OSBPL3: variants seen among roughly 807,000 people sequenced by gnomAD.
OSBPL3 encodes oxysterol-binding protein-related protein 3.
In OSBPL3, 65 loss-of-function variants were observed where a neutral mutation model predicts 120.1. That is an observed-to-expected ratio of 0.54 (90% CI 0.44 to 0.67). The LOEUF (loss-of-function observed/expected upper bound fraction) is 0.67. Ranked by LOEUF, OSBPL3 falls within the 30% of genes least tolerant of loss-of-function variation. The pLI, the probability that OSBPL3 is intolerant of heterozygous loss-of-function variation, is 0.00. For synonymous variants in OSBPL3, 416 were observed against 402.6 expected (o/e 1.03, Z -0.40); for missense variants, 1,004 against 1,082.1 (o/e 0.93, Z 1.01).
intron 12 of OSBPL3, 122 bp downstream of exon 12, chr7:24,848,947 A>G: frequency 4.5e-6 from 3 of 671,064 alleles, no homozygotes; most frequent in South Asian, 3.5e-5. Context: ...CACCCAGAGG[A>G]GGAGGGCAGA....
Position 24,852,725 on chromosome 7 carries a change from GC to G in OSBPL3, c.1028-92del. On this transcript the variant is annotated intron_variant, in intron 10 of 22. Transcript: ENST00000313367. This position sits in a 1 kb window ranked among gnomAD's most constrained non-coding sequence, Gnocchi z 4.1. ...AACATATCTCTTATAAAAGAAACAA[GC>G]AAAGTAACAGCCCTGAATATTTTGA... 1 of 828,808 alleles carries G rather than the reference GC, an allele frequency of 1.2e-6. No homozygotes were observed. Among genetic ancestry groups the G allele is most frequent in the Non-Finnish European group, 1.8e-6 (1 of 563,478 alleles). The allele number at this position is 828,808 out of a possible 1,614,324, so 51.3% of individuals were successfully genotyped here. A position where few individuals can be genotyped will look rare whatever the true frequency, so the allele number is the denominator to read the frequency against.
At position 24,852,147 on chromosome 7, in the gene OSBPL3, C is replaced by T. The variant is rs934531888; in HGVS notation, c.1158+357G>A. Among the ~76,000 whole-genome samples the T allele has an allele frequency of 6.6e-6, 1 of 152,080 alleles. No homozygotes were observed. The highest frequency in any genetic ancestry group is 1.5e-5 in the Non-Finnish European group (1 of 68,016). On this transcript the variant is annotated intron_variant, in intron 11 of 22. Transcript: ENST00000313367. The surrounding 1 kb of genome is among the most constrained non-coding windows in gnomAD (Gnocchi z 4.1). ...AGGCTAAGCTTGTGGTGTCTCATGC[C>T]CATAAAATTTCCTCCAAACTGTCAG...
chr7:24,981,378 C>T (rs1818331939), upstream of OSBPL3: 1 of 152,298 alleles, frequency 6.6e-6, no homozygotes, highest in Non-Finnish European at 1.5e-5. The surrounding 1 kb of genome is among the most constrained non-coding windows in gnomAD (Gnocchi z 7.3). Flanking sequence ...TTTAGCCTCC[C>T]TGAAGACCCA....
rs1816482406 is a variant in OSBPL3, at chr7:24,967,117, A to T, written c.-150+12769T>A. ...CTACATTATCTCAAATTTTTATGGT[A>T]ATTTTTCCTGTTTCCTATCATCCCT... On this transcript the variant is annotated intron_variant, in intron 1 of 22. Coordinates refer to ENST00000313367, the MANE Select transcript of OSBPL3 (RefSeq NM_015550.4). The surrounding 1 kb of genome is among the most constrained non-coding windows in gnomAD (Gnocchi z 5.6). 6.6e-6 allele frequency among the ~76,000 whole-genome samples: 1 copy of T among 152,172 alleles called. No homozygotes were observed. The highest frequency in any genetic ancestry group is 1.5e-5 in the Non-Finnish European group (1 of 68,010).
Position 24,872,448 on chromosome 7 carries a change from A to AGAGAGAGTGT in OSBPL3, c.97-380_97-379insACACTCTCTC, listed in dbSNP as rs912921078. ...TCAGTCTGAATTTTAACCGAAAGAG[A>AGAGAGAGTGT]GTGTGTGTGTGTGTGTGTGTGTGTG... On this transcript the variant is annotated intron_variant, in intron 2 of 22. Coordinates refer to ENST00000313367, the MANE Select transcript of OSBPL3 (RefSeq NM_015550.4). The surrounding 1 kb of genome is among the most constrained non-coding windows in gnomAD (Gnocchi z 4.1). Among the ~76,000 whole-genome samples the AGAGAGAGTGT allele has an allele frequency of 6.9e-6, 1 of 144,890 alleles. No homozygotes were observed. The highest frequency in any genetic ancestry group is 6.8e-5 in the Admixed American group (1 of 14,604).
At position 24,802,487 on chromosome 7, in the gene OSBPL3, C is replaced by T. The variant is rs954525978; in HGVS notation, c.2567+1828G>A. On this transcript the variant is annotated intron_variant, in intron 22 of 22. Transcript: ENST00000313367. The surrounding 1 kb of genome is among the most constrained non-coding windows in gnomAD (Gnocchi z 4.1). ...GGCCGCCCCAGCTGAAGCAGCTTTC[C>T]GTCCTTTTTCATTCCAGACACAATT... is the stretch of plus-strand genomic sequence containing the variant. Among the ~76,000 whole-genome samples the T allele has an allele frequency of 3.9e-5, 6 of 152,204 alleles. No individual in the cohort carries two copies. Among genetic ancestry groups the T allele is most frequent in the African/African-American group, 1.2e-4 (5 of 41,436 alleles).
chr7:24,818,656 C>T lies in OSBPL3; in HGVS notation c.1948+1519G>A, dbSNP rs980725704. On this transcript the variant is annotated intron_variant, in intron 17 of 22. Coordinates refer to ENST00000313367, the MANE Select transcript of OSBPL3 (RefSeq NM_015550.4). This position sits in a 1 kb window ranked among gnomAD's most constrained non-coding sequence, Gnocchi z 4.0. ...ATCCAAAAGGCAGAGAAAGAGGAAACGGAGAACAAAGAACAGATGTGACAA... is the reference window on the plus strand; with the variant it reads ...ATCCAAAAGGCAGAGAAAGAGGAAATGGAGAACAAAGAACAGATGTGACAA... 4.0e-5 allele frequency among the ~76,000 whole-genome samples: 6 copies of T among 151,896 alleles called. No homozygotes were observed. Among genetic ancestry groups the T allele is most frequent in the African/African-American group, 7.3e-5 (3 of 41,360 alleles).
chr7:24,935,163 G>A (rs1000571530), intron 1 of OSBPL3, among the ~76,000 whole-genome samples: 1 of 152,052 alleles, frequency 6.6e-6, no homozygotes, highest in Non-Finnish European at 1.5e-5. Context: ...GCATGAGGGA[G>A]GCTTTTTAAT....
At chr7:24,907,466 T>C (rs1808105957) in intron 1 of OSBPL3, among the ~76,000 whole-genome samples, 1 of 152,244 alleles carries the variant, frequency 6.6e-6, no homozygotes, top group African/African-American at 2.4e-5. Flanking sequence ...AAATAATGCA[T>C]GTAAAACACT....
At chr7:24,848,029 G>A (rs1357330111) in intron 12 of OSBPL3, among the ~76,000 whole-genome samples, 2 of 152,100 alleles carry the variant, frequency 1.3e-5, no homozygotes, top group Non-Finnish European at 2.9e-5. Context: ...CCAGACAGAG[G>A]GTGAGGCTCA....
At chr7:24,934,495 A>T (rs892009949) in intron 1 of OSBPL3, among the ~76,000 whole-genome samples, 1 of 152,192 alleles carries the variant, frequency 6.6e-6, no homozygotes, top group Non-Finnish European at 1.5e-5. Context: ...TATCAAAAAC[A>T]TATCTATCTT....
Position 24,815,780 on chromosome 7 carries a change from A to T in OSBPL3, c.2028-577T>A, listed in dbSNP as rs7455570. ...AATCTTCACAATAGCCCTAGGAAGTAGGTGGTTTATTATTCTCTTTTTCTA... is the reference window on the plus strand; with the variant it reads ...AATCTTCACAATAGCCCTAGGAAGTTGGTGGTTTATTATTCTCTTTTTCTA... On this transcript the variant is annotated intron_variant, in intron 18 of 22. Transcript: ENST00000313367. The surrounding 1 kb of genome is among the most constrained non-coding windows in gnomAD (Gnocchi z 5.1). 0.043 allele frequency among the ~76,000 whole-genome samples: 6,619 copies of T among 152,264 alleles called. 339 individuals carry two copies. Among genetic ancestry groups the T allele is most frequent in the East Asian group, 0.18 (944 of 5,176 alleles).
chr7:24,921,579 T>C (rs1810388922), intron 1 of OSBPL3, among the ~76,000 whole-genome samples: 1 of 152,168 alleles, frequency 6.6e-6, no homozygotes, highest in African/African-American at 2.4e-5. Context: ...AGTGGCAGCA[T>C]CCTGGCTGCA....
rs1804740627 is a variant in OSBPL3 at position 24,887,735 on chromosome 7, GC to G, written c.96+4641del. On this transcript the variant is annotated intron_variant, in intron 2 of 22. Coordinates refer to ENST00000313367, the MANE Select transcript of OSBPL3 (RefSeq NM_015550.4). ...CCATGCTGTGCTCTCCCTGCCTTAT[GC>G]CCAGAAGTCACAGCTAAAAACACGG... Among the ~76,000 whole-genome samples the G allele has an allele frequency of 7.2e-5, 11 of 152,266 alleles. No homozygotes were observed. In the South Asian group the frequency reaches 2.3e-3, roughly 32 times the overall value.
Position 24,849,143 on chromosome 7 carries a change from AGC to A in OSBPL3, c.1190_1191del (p.Arg397LeufsTer21). The A allele has an allele frequency of 6.2e-7, 1 of 1,614,014 alleles. No individual in the cohort carries two copies. ...AGAGACTCGGCATGGATTCTGCGTA[AGC>A]GTTCTTTAAGATCTGTGTTTTGTGC... is the stretch of plus-strand genomic sequence containing the variant. ...ALAQNTDLKE[R>X]LRRIHAESLL... On this transcript the variant is annotated frameshift_variant, in exon 12 of 23. Coordinates refer to ENST00000313367, the MANE Select transcript of OSBPL3 (RefSeq NM_015550.4). LOFTEE classifies it high-confidence loss of function. This position sits in a 1 kb window ranked among gnomAD's most constrained non-coding sequence, Gnocchi z 5.4.
chr7:24,974,083 T>C (rs577413643), intron 1 of OSBPL3, among the ~76,000 whole-genome samples: 60 of 152,350 alleles, frequency 3.9e-4, no homozygotes, highest in African/African-American at 1.4e-3. Flanking sequence ...ACTAAATCTT[T>C]GAAACTCAGT....
chr7:24,886,246 A>T (rs1039060016), intron 2 of OSBPL3, among the ~76,000 whole-genome samples: 3 of 150,302 alleles, frequency 2.0e-5, no homozygotes, highest in African/African-American at 7.6e-5. Flanking sequence ...AGAATGTGTT[A>T]AAAAAAACAT....
intron 2 of OSBPL3, among the ~76,000 whole-genome samples, chr7:24,886,908 T>C (rs963904303): frequency 2.0e-5 from 3 of 152,188 alleles, no homozygotes; most frequent in African/African-American, 4.8e-5. Flanking sequence ...AGGAAACCAT[T>C]TGACAATGAC....
At position 24,928,494 on chromosome 7, in the gene OSBPL3, T is replaced by G. The variant is rs189477542; in HGVS notation, c.-149-35873A>C. 1.2e-4 allele frequency among the ~76,000 whole-genome samples: 18 copies of G among 152,270 alleles called. No homozygotes were observed. In the East Asian group the frequency reaches 3.5e-3, roughly 29 times the overall value. ...GCATCAGCCACCGTGCCCGGCCACC[T>G]CTTGTCTTTATAAATTACCCAGTCT... On this transcript the variant is annotated intron_variant, in intron 1 of 22. Coordinates refer to ENST00000313367, the MANE Select transcript of OSBPL3 (RefSeq NM_015550.4).
Sources: gnomAD v4.1 joint callset for allele counts (sites outside exome capture counted in the v4.1 genomes callset) on GRCh38, gnomAD v4.1.1 for gene constraint, Gnocchi (gnomAD v3.1) non-coding constraint, MANE v1.5 for transcripts, NCBI Gene and HGNC (gene_info 2026-07-23, HGNC 2026-07-21) for gene names.